The following ZNF827 variants were observed in gnomAD, a reference collection of about 807,000 sequenced individuals.
The protein encoded by ZNF827 is zinc finger protein 827.
ZNF827 carries 13 observed loss-of-function variants against 102.4 expected under a neutral mutation model. That is an observed-to-expected ratio of 0.13 (90% CI 0.08 to 0.20). The LOEUF is 0.20. Ranked by LOEUF, ZNF827 falls within the 10% of genes least tolerant of loss-of-function variation. The pLI is 1.00. For missense variants in ZNF827, 1,103 were observed against 1,344.4 expected (o/e 0.82, Z 2.81); for synonymous variants, 523 against 536.2 (o/e 0.98, Z 0.34).
chr4:145,789,486 CAT>C (rs1739368211), intron 8 of ZNF827, among the ~76,000 whole-genome samples: 1 of 152,178 alleles, frequency 6.6e-6, no homozygotes, highest in Non-Finnish European at 1.5e-5. Context: ...ATTTTACACA[CAT>C]ATTTAATATT....
At chr4:145,815,272 G>A (rs907011463) in intron 8 of ZNF827, among the ~76,000 whole-genome samples, 4 of 152,194 alleles carry the variant, frequency 2.6e-5, no homozygotes, top group East Asian at 1.9e-4. Flanking sequence ...CATATCATGC[G>A]AATGCAAACA....
chr4:145,851,606 T>C (rs934564064), intron 5 of ZNF827, among the ~76,000 whole-genome samples: 2 of 152,210 alleles, frequency 1.3e-5, no homozygotes, highest in African/African-American at 4.8e-5. Context: ...CTCTTTTTTC[T>C]TCCTGACATA....
At chr4:145,930,930 T>C (rs1361187307) in intron 1 of ZNF827, among the ~76,000 whole-genome samples, 1 of 152,204 alleles carries the variant, frequency 6.6e-6, no homozygotes, top group Non-Finnish European at 1.5e-5. Flanking sequence ...CATTTAAGAT[T>C]AGTATCAAGC....
chr4:145,855,444 T>C (rs6838312), intron 5 of ZNF827, among the ~76,000 whole-genome samples: 1 of 152,170 alleles, frequency 6.6e-6, no homozygotes, highest in South Asian at 2.1e-4. Context: ...ACTTAAAACT[T>C]TGTGAACAAG....
At chr4:145,845,832 G>A in intron 7 of ZNF827, 124 bp downstream of exon 7, 1 of 889,948 alleles carries the variant, frequency 1.1e-6, no homozygotes, top group Non-Finnish European at 1.8e-6. Context: ...AGAACATGGT[G>A]GTAAAGGGTG....
At chr4:145,776,355 G>A (rs1737084923) in intron 9 of ZNF827, among the ~76,000 whole-genome samples, 1 of 152,004 alleles carries the variant, frequency 6.6e-6, no homozygotes, top group Non-Finnish European at 1.5e-5. Flanking sequence ...CAGCTACTTG[G>A]GAGGAGGAGG....
At chr4:145,796,832 TG>T (rs1373683218) in intron 8 of ZNF827, among the ~76,000 whole-genome samples, 1 of 152,146 alleles carries the variant, frequency 6.6e-6, no homozygotes, top group Admixed American at 6.5e-5. Context: ...GGTTTCGCCA[TG>T]TTGGCCAGGC....
intron 1 of ZNF827, among the ~76,000 whole-genome samples, chr4:145,923,561 C>T (rs1753225923): frequency 6.6e-6 from 1 of 151,908 alleles, no homozygotes; most frequent in Admixed American, 6.6e-5. Context: ...AGAGGCTGCA[C>T]CACTGCACTC....
intron 8 of ZNF827, among the ~76,000 whole-genome samples, chr4:145,814,956 C>G (rs1446746410): frequency 6.6e-6 from 1 of 151,826 alleles, no homozygotes; most frequent in Non-Finnish European, 1.5e-5. Flanking sequence ...CAAAACAAAA[C>G]AAAAAAACCC....
intron 4 of ZNF827, among the ~76,000 whole-genome samples, chr4:145,885,286 A>G (rs895839949): frequency 9.9e-5 from 15 of 152,182 alleles, no homozygotes; most frequent in Non-Finnish European, 1.5e-5. Context: ...TAATGCCAAA[A>G]TGAGGTATTT....
At chr4:145,922,371 A>C (rs943244016) in intron 1 of ZNF827, among the ~76,000 whole-genome samples, 3 of 152,204 alleles carry the variant, frequency 2.0e-5, no homozygotes, top group African/African-American at 7.2e-5. Flanking sequence ...ATCTGTAATG[A>C]TGATACAAAA....
intron 5 of ZNF827, 58 bp from the exon 6 acceptor site, chr4:145,849,619 G>T: frequency 6.2e-7 from 1 of 1,601,898 alleles, no homozygotes; most frequent in South Asian, 1.1e-5. Context: ...TTCCAAGCTA[G>T]ACCCAGTTTC....
At position 145,823,116 on chromosome 4, in the gene ZNF827, T is replaced by C. The variant is rs530263611; in HGVS notation, c.2383+306A>G. The stretch of plus-strand genomic sequence containing the variant: ...CTGGCTGCCGGCCTGAAATACAACA[T>C]GTAAAGCAAATTATTTTCAGGTTAT... On this transcript the variant is annotated intron_variant, in intron 8 of 14. Coordinates refer to ENST00000508784, the MANE Select transcript of ZNF827 (RefSeq NM_001306215.2). 6.6e-5 allele frequency among the ~76,000 whole-genome samples: 10 copies of C among 152,150 alleles called. No individual in the cohort carries two copies. The South Asian group carries it at 1.5e-3, about 22-fold the overall frequency.
chr4:145,849,606 T>A (rs1349842987), intron 5 of ZNF827, 45 bp from the exon 6 acceptor site: 12 of 1,608,808 alleles, frequency 7.5e-6, no homozygotes, highest in Non-Finnish European at 1.0e-5. Flanking sequence ...CACCATTTCT[T>A]AATTCCAAGC....
At chr4:145,876,989 CTG>C (rs1328892993) in intron 4 of ZNF827, 1 of 152,120 alleles carries the variant, frequency 6.6e-6, no homozygotes, top group African/African-American at 2.4e-5. Context: ...TTGCTACAGA[CTG>C]TACTCCCTCA....
At chr4:145,776,132 G>A (rs1313991116) in intron 9 of ZNF827, among the ~76,000 whole-genome samples, 172 bp from the exon 10 acceptor site, 1 of 152,094 alleles carries the variant, frequency 6.6e-6, no homozygotes, top group Non-Finnish European at 1.5e-5. Flanking sequence ...TACCCAGCAG[G>A]TCACTCCTGT....
At chr4:145,847,067 T>A (rs1427930684) in intron 6 of ZNF827, among the ~76,000 whole-genome samples, 1 of 152,016 alleles carries the variant, frequency 6.6e-6, no homozygotes, top group Non-Finnish European at 1.5e-5. Flanking sequence ...GGCAGGAGAA[T>A]TGCTTGAACC....
At chr4:145,792,842 A>G (rs1337606036) in intron 8 of ZNF827, among the ~76,000 whole-genome samples, 1 of 152,226 alleles carries the variant, frequency 6.6e-6, no homozygotes, top group Non-Finnish European at 1.5e-5. Flanking sequence ...TAAAAAATCA[A>G]TGTAAAATTT....
intron 4 of ZNF827, among the ~76,000 whole-genome samples, chr4:145,881,451 G>A (rs576555618): frequency 1.3e-5 from 2 of 152,296 alleles, no homozygotes; most frequent in South Asian, 4.1e-4. Flanking sequence ...GGGACAAAAA[G>A]ATATTCCCAG....
Sources: gnomAD v4.1 joint callset for allele counts (sites outside exome capture counted in the v4.1 genomes callset) on GRCh38, gnomAD v4.1.1 for gene constraint, MANE v1.5 for transcripts, NCBI Gene and HGNC (gene_info 2026-07-23, HGNC 2026-07-21) for gene names.